Variants in LCOR observed in about 807,000 individuals in gnomAD.
The protein encoded by LCOR is ligand dependent nuclear receptor corepressor, also known as ligand-dependent corepressor.
LCOR carries 14 observed loss-of-function variants against 64.4 expected under a neutral mutation model. The ratio of observed to expected loss-of-function variants is 0.22; its 90% CI spans 0.14 to 0.34. The LOEUF is 0.34. LCOR is among the 10% of genes least tolerant of loss of function. LCOR has a pLI of 1.00. For missense variants in LCOR, 1,686 were observed against 1,765.3 expected (o/e 0.96, Z 0.80); for synonymous variants, 643 against 642.5 (o/e 1.00, Z -0.01).
chr10:96,836,458 T>C (rs778356537), intron 2 of LCOR, among the ~76,000 whole-genome samples: 3 of 152,136 alleles, frequency 2.0e-5, no homozygotes, highest in Admixed American at 1.3e-4. Flanking sequence ...TGAAGGGCAG[T>C]TAGGTGTTTA....
intron 4 of LCOR, among the ~76,000 whole-genome samples, chr10:96,914,307 C>T (rs568198739): frequency 2.0e-5 from 3 of 152,166 alleles, no homozygotes; most frequent in Non-Finnish European, 4.4e-5. Flanking sequence ...AGCGATTCTC[C>T]TGCCTTAGCC....
rs1848154258 is a variant in LCOR, at chr10:96,986,921, A to T, written c.*1787A>T. On this transcript the variant is annotated 3_prime_UTR_variant, in exon 8 of 8. Transcript: ENST00000421806. ...ACCCATTCTGTTAAAGGTTTGCTGTATATCATGGGAACTTCTGATGATTGG... is the reference window on the plus strand; with the variant it reads ...ACCCATTCTGTTAAAGGTTTGCTGTTTATCATGGGAACTTCTGATGATTGG... 1 of 152,244 alleles carries T rather than the reference A, an allele frequency of 6.6e-6. No homozygotes were observed. Among genetic ancestry groups the T allele is most frequent in the South Asian group, 2.1e-4 (1 of 4,836 alleles). 9.4% of individuals were successfully genotyped at this position (152,244 alleles called of 1,614,324 possible).
At chr10:96,855,276 T>C (rs1039999517) in intron 2 of LCOR, among the ~76,000 whole-genome samples, 1 of 152,122 alleles carries the variant, frequency 6.6e-6, no homozygotes, top group African/African-American at 2.4e-5. Flanking sequence ...GAATGATGGA[T>C]GAGAATTATT....
intron 4 of LCOR, among the ~76,000 whole-genome samples, chr10:96,918,246 AT>A (rs1846989219): frequency 6.6e-6 from 1 of 152,182 alleles, no homozygotes; most frequent in Non-Finnish European, 1.5e-5. Flanking sequence ...ATACTCTATA[AT>A]GACAGGGGGG....
At chr10:96,952,654 G>A (rs566000845) in intron 7 of LCOR, among the ~76,000 whole-genome samples, 3 of 152,076 alleles carry the variant, frequency 2.0e-5, no homozygotes, top group Non-Finnish European at 4.4e-5. Flanking sequence ...TTCAGAAAAT[G>A]TAGTTTTCTG....
At chr10:96,834,937 T>G (rs758415433) in intron 2 of LCOR, among the ~76,000 whole-genome samples, 4 of 152,276 alleles carry the variant, frequency 2.6e-5, no homozygotes, top group South Asian at 4.1e-4. Context: ...GTTTCACTCT[T>G]TTGCCCGGGC....
Position 96,990,980 on chromosome 10 carries a change from G to T in LCOR, c.*5846G>T, listed in dbSNP as rs951326482. 6.7e-6 allele frequency: 1 copy of T among 149,816 alleles called. No individual in the cohort carries two copies. The highest frequency in any genetic ancestry group is 6.6e-5 in the Admixed American group (1 of 15,066). The allele number at this position is 149,816 out of a possible 1,614,324, so 9.3% of individuals were successfully genotyped here. Reference sequence around the variant, plus strand: ...ACTCATGGTATTACAATATGCCAGGGGTTGGACAAATGGATTTTTTACCCT... The same window carrying T: ...ACTCATGGTATTACAATATGCCAGGTGTTGGACAAATGGATTTTTTACCCT... On this transcript the variant is annotated 3_prime_UTR_variant, in exon 8 of 8. Coordinates refer to ENST00000421806, the MANE Select transcript of LCOR (RefSeq NM_001346516.2).
chr10:96,842,833 G>A (rs1488388839), intron 2 of LCOR, among the ~76,000 whole-genome samples: 6 of 152,090 alleles, frequency 3.9e-5, no homozygotes, highest in African/African-American at 1.2e-4. Flanking sequence ...GTTTTACCAT[G>A]TTGGCCAGGC....
rs899878130 is a variant in LCOR at position 96,994,607 on chromosome 10, A to C, written c.*9473A>C. The C allele has an allele frequency of 6.6e-6, 1 of 152,166 alleles. No homozygotes were observed. The allele number at this position is 152,166 out of a possible 1,614,324, so 9.4% of individuals were successfully genotyped here. On this transcript the variant is annotated 3_prime_UTR_variant, in exon 8 of 8. Coordinates refer to ENST00000421806, the MANE Select transcript of LCOR (RefSeq NM_001346516.2). ...ATAAAACTTTCCCTTGCTGAGCCTG[A>C]AGGCAAGCAAGAGGGAAGAAATTGA...
intron 2 of LCOR, among the ~76,000 whole-genome samples, chr10:96,875,181 G>A (rs1003724726): frequency 2.0e-5 from 3 of 151,546 alleles, no homozygotes; most frequent in South Asian, 2.1e-4. Flanking sequence ...TTAGGAGATC[G>A]AGACCATCCT....
At chr10:96,980,708 A>C in intron 7 of LCOR, 85 bp from the exon 8 acceptor site, 1 of 600,504 alleles carries the variant, frequency 1.7e-6, no homozygotes, top group African/African-American at 1.9e-5. Flanking sequence ...TAATAAAATG[A>C]ATAACGTTGG....
chr10:96,908,273 G>A (rs1263892105), intron 4 of LCOR, among the ~76,000 whole-genome samples: 3 of 152,174 alleles, frequency 2.0e-5, no homozygotes, highest in Non-Finnish European at 2.9e-5. Flanking sequence ...TTACAGGCAT[G>A]AGCCACCGCG....
chr10:96,868,210 T>A (rs778371683), intron 2 of LCOR, among the ~76,000 whole-genome samples: 6 of 151,364 alleles, frequency 4.0e-5, no homozygotes, highest in Non-Finnish European at 8.8e-5. Flanking sequence ...TGGGGATGGA[T>A]GTCCTAATAA....
At chr10:96,878,764 G>GTGTTT (rs1362584200) in intron 2 of LCOR, among the ~76,000 whole-genome samples, 2 of 151,972 alleles carry the variant, frequency 1.3e-5, no homozygotes, top group African/African-American at 2.4e-5. Flanking sequence ...TTTTTGTATT[G>GTGTTT]TGTTTTGTTT....
rs946131505 is a variant in LCOR, at chr10:96,944,030, C to A, written c.-183-83C>A. 4 of 848,436 alleles carry A rather than the reference C, an allele frequency of 4.7e-6. No homozygotes were observed. In the Admixed American group the frequency reaches 1.9e-4, roughly 40 times the overall value. 52.6% of individuals were successfully genotyped at this position (848,436 alleles called of 1,614,324 possible). On this transcript the variant is annotated intron_variant, in intron 4 of 7. Transcript: ENST00000421806. Reference sequence around the variant, plus strand: ...GCATCAAATTAATTTGCCTTATTTGCTACTAACTTTGATTTCGTCTATGCT... The same window carrying A: ...GCATCAAATTAATTTGCCTTATTTGATACTAACTTTGATTTCGTCTATGCT...
intron 7 of LCOR, among the ~76,000 whole-genome samples, chr10:96,953,103 T>A (rs2065178397): frequency 6.6e-6 from 1 of 152,184 alleles, no homozygotes; most frequent in Admixed American, 6.5e-5. Context: ...AATCTCCCTT[T>A]ATTTTCTCTA....
intron 2 of LCOR, among the ~76,000 whole-genome samples, chr10:96,877,706 G>A (rs1440694192): frequency 2.1e-5 from 3 of 145,820 alleles, no homozygotes; most frequent in Non-Finnish European, 4.4e-5. Flanking sequence ...CAGCCTCCCG[G>A]GTTCACGCCA....
chr10:96,949,343 TTTGGGG>T, intron 6 of LCOR, 48 bp downstream of exon 6: 1 of 1,542,672 alleles, frequency 6.5e-7, no homozygotes. Flanking sequence ...AATACTTTAC[TTTGGGG>T]AGAAAAAAAA....
Position 96,952,143 on chromosome 10 carries a change from T to G in LCOR, c.279T>G (p.Ala93=), listed in dbSNP as rs1342032747. The part of the protein sequence containing the change: ...LDLSTKKSPC[A]GSTSLSHSPG... ...TGTCCACTAAGAAAAGTCCATGTGCTGGCAGCACTTCCCTGAGCCACTCTC... is the reference window on the plus strand; with the variant it reads ...TGTCCACTAAGAAAAGTCCATGTGCGGGCAGCACTTCCCTGAGCCACTCTC... The change falls in exon 7 of 8, where the codon GCT becomes GCG. Residue 93 remains alanine, a synonymous_variant. Transcript: ENST00000421806. 1 of 1,614,120 alleles carries G rather than the reference T, an allele frequency of 6.2e-7. No individual in the cohort carries two copies. The highest frequency in any genetic ancestry group is 1.1e-5 in the South Asian group (1 of 91,088).
Sources: gnomAD v4.1 joint callset for allele counts (sites outside exome capture counted in the v4.1 genomes callset) on GRCh38, gnomAD v4.1.1 for gene constraint, MANE v1.5 for transcripts, NCBI Gene and HGNC (gene_info 2026-07-23, HGNC 2026-07-21) for gene names.